The following PER3 variants were observed in gnomAD, a reference collection of about 807,000 sequenced individuals.
PER3 encodes period circadian protein homolog 3.
Under a neutral mutation model 127.2 loss-of-function variants are expected in PER3, and 107 were observed. That is an observed-to-expected ratio of 0.84 (90% CI 0.72 to 0.99). The LOEUF (loss-of-function observed/expected upper bound fraction) is 0.99. Among genes scored for constraint, PER3 ranks in the 50% least tolerant of loss-of-function variants. The probability of loss-of-function intolerance (pLI) is 0.00; values close to 1 mark genes in which losing one functional copy is unlikely to be tolerated. For synonymous variants in PER3, 618 were observed against 585.8 expected (o/e 1.05, Z -0.79); for missense variants, 1,560 against 1,525.8 (o/e 1.02, Z -0.37).
intron 21 of PER3, 85 bp downstream of exon 21, chr1:7,837,234 C>T: frequency 2.6e-6 from 3 of 1,137,374 alleles, no homozygotes; most frequent in Non-Finnish European, 3.8e-6. Flanking sequence ...TTGCATGATC[C>T]CACTAAAAAC....
intron 19 of PER3, among the ~76,000 whole-genome samples, chr1:7,833,845 GTTAA>G (rs1186217613): frequency 6.6e-6 from 1 of 151,538 alleles, no homozygotes; most frequent in East Asian, 1.9e-4. Context: ...CTCCTTTCGG[GTTAA>G]TTGTGTATTG....
intron 2 of PER3, 25 bp downstream of exon 2, chr1:7,785,030 G>A (rs773536595): frequency 5.1e-5 from 79 of 1,562,550 alleles, no homozygotes; most frequent in Non-Finnish European, 6.7e-5. Flanking sequence ...TCAGGCCGAG[G>A]GCCCCATGCG....
chr1:7,837,644 T>C (rs1420421722), intron 21 of PER3, among the ~76,000 whole-genome samples: 1 of 152,236 alleles, frequency 6.6e-6, no homozygotes. Context: ...GTGAATAGCC[T>C]GAACAGTAAA....
chr1:7,787,263 T>TTGA, intron 4 of PER3: 1 of 808,920 alleles, frequency 1.2e-6, no homozygotes, highest in East Asian at 1.1e-4. Flanking sequence ...TGAGATGCTG[T>TTGA]CATTTTTCCT....
chr1:7,837,018 A>C lies in PER3; in HGVS notation c.3418A>C (p.Lys1140Gln). 2 of 1,613,556 alleles carry C rather than the reference A, an allele frequency of 1.2e-6. No homozygotes were observed. The highest frequency in any genetic ancestry group is 1.7e-6 in the Non-Finnish European group (2 of 1,179,748). Residue 1140 changes from lysine (K) to glutamine (Q), a missense_variant, in exon 21 of 22, where the codon AAA becomes CAA. Physicochemically the swap from Lys to Gln is moderately conservative, Grantham distance 53. Transcript: ENST00000377532. Reference sequence around the variant, plus strand: ...TTTCAGGGTTAAAGAAGTTGTACTAAAAGAAGACCTGGAAAAGCTAGAAAG... The same window carrying C: ...TTTCAGGGTTAAAGAAGTTGTACTACAAGAAGACCTGGAAAAGCTAGAAAG... Reference protein sequence around the residue: ...VPERVKEVVLKEDLEKLESMR... With the variant: ...VPERVKEVVLQEDLEKLESMR...
rs151216279 is a variant in PER3 at position 7,836,012 on chromosome 1, T to C, written c.3398+67T>C. The C allele has an allele frequency of 2.8e-3, 3,259 of 1,169,842 alleles. 69 individuals are homozygous for C. In the African/African-American group the frequency reaches 0.039, roughly 14 times the overall value. 72.5% of individuals were successfully genotyped at this position (1,169,842 alleles called of 1,614,324 possible). A position where few individuals can be genotyped will look rare whatever the true frequency, so the allele number is the denominator to read the frequency against. On this transcript the variant is annotated intron_variant, in intron 20 of 21. Coordinates refer to ENST00000377532, the MANE Select transcript of PER3 (RefSeq NM_001377275.1). Reference sequence around the variant, plus strand: ...GGTTTCTTTTTTTCTTTTTTTTCTTTTTTGAGACGGAGTCTCGCCCTGTCA... The same window carrying C: ...GGTTTCTTTTTTTCTTTTTTTTCTTCTTTGAGACGGAGTCTCGCCCTGTCA...
intron 10 of PER3, among the ~76,000 whole-genome samples, chr1:7,805,168 C>T (rs1475187058): frequency 6.6e-6 from 1 of 152,186 alleles, no homozygotes; most frequent in African/African-American, 2.4e-5. Flanking sequence ...ACGCCCAACC[C>T]TGTGGTCCAT....
intron 5 of PER3, among the ~76,000 whole-genome samples, chr1:7,792,839 T>C (rs1330763202): frequency 6.6e-6 from 1 of 152,212 alleles, no homozygotes; most frequent in South Asian, 2.1e-4. Context: ...TGGAAATGCA[T>C]TGTGGGTGCA....
At chr1:7,812,533 G>A (rs1377855589) in intron 13 of PER3, among the ~76,000 whole-genome samples, 3 of 149,202 alleles carry the variant, frequency 2.0e-5, no homozygotes, top group Non-Finnish European at 3.0e-5. Context: ...GCTGAGGCAG[G>A]AGAATGGCGT....
rs779433185 is a variant in PER3, at chr1:7,788,140, G to C, written c.486G>C (p.Leu162=). 17 of 1,613,668 alleles carry C rather than the reference G, an allele frequency of 1.1e-5. No individual in the cohort carries two copies. The highest frequency in any genetic ancestry group is 1.1e-5 in the South Asian group (1 of 91,084). ...TCCTGAATCGTAAGAAAGATGTCCTGGCGTCTTCTCACTTTGTTGACCTGC... is the reference window on the plus strand; with the variant it reads ...TCCTGAATCGTAAGAAAGATGTCCTCGCGTCTTCTCACTTTGTTGACCTGC... ...ALILNRKKDV[L]ASSHFVDLLA... is the part of the protein sequence containing the mutation. The change falls in exon 5 of 22, where the codon CTG becomes CTC. Residue 162 remains leucine, a synonymous_variant. Transcript: ENST00000377532.
Position 7,827,600 on chromosome 1 carries a change from A to G in PER3, c.2671A>G (p.Met891Val), listed in dbSNP as rs1294725869. 13 of 1,613,878 alleles carry G rather than the reference A, an allele frequency of 8.1e-6. No individual in the cohort carries two copies. In the East Asian group the frequency reaches 8.9e-5, roughly 11 times the overall value. Reference sequence around the variant, plus strand: ...AGCCTCTTCTGCGATATCACCCTCAATGTCGTCAGCAATGAGTCCAACTCT... The same window carrying G: ...AGCCTCTTCTGCGATATCACCCTCAGTGTCGTCAGCAATGAGTCCAACTCT... ...ATASSAISPS[M>V]SSAMSPTLDP... is the part of the protein sequence containing the mutation. The change falls in exon 18 of 22, where the codon ATG becomes GTG. Residue 891 changes from methionine to valine, a missense_variant. Around this residue, in one of 3 missense-constraint regions of PER3, gnomAD observed 1,332 missense variants for 1,223.6 expected, o/e 1.09. Transcript: ENST00000377532.
At chr1:7,836,727 A>G (rs1354570633) in intron 20 of PER3, 3 of 282,270 alleles carry the variant, frequency 1.1e-5, no homozygotes, top group Non-Finnish European at 2.0e-5. Context: ...TTTGTTTTAG[A>G]CTCTTGATTT....
At chr1:7,812,958 G>A (rs2097227364) in intron 13 of PER3, among the ~76,000 whole-genome samples, 1 of 152,150 alleles carries the variant, frequency 6.6e-6, no homozygotes, top group Non-Finnish European at 1.5e-5. Context: ...GACTAGAGAT[G>A]TATACCAATG....
chr1:7,789,990 A>C (rs1310769767), intron 5 of PER3, among the ~76,000 whole-genome samples: 1 of 152,122 alleles, frequency 6.6e-6, no homozygotes, highest in Non-Finnish European at 1.5e-5. Context: ...GTAAACATTT[A>C]TTTAATAATC....
intron 11 of PER3, 110 bp downstream of exon 11, chr1:7,809,108 T>C (rs942075389): frequency 3.4e-6 from 2 of 593,996 alleles, no homozygotes; most frequent in African/African-American, 3.9e-5. Flanking sequence ...ATCTTTGCCC[T>C]CTACATTCCA....
chr1:7,814,435 G>A (rs1276001055), intron 13 of PER3, among the ~76,000 whole-genome samples: 1 of 152,116 alleles, frequency 6.6e-6, no homozygotes, highest in Non-Finnish European at 1.5e-5. Context: ...AGACAATAGA[G>A]TAGCATCCTC....
chr1:7,785,676 C>T, intron 3 of PER3, 90 bp downstream of exon 3: 1 of 1,098,548 alleles, frequency 9.1e-7, no homozygotes, highest in African/African-American at 1.6e-5. Context: ...CTCAGTCAGA[C>T]AAATAATTTG....
At chr1:7,792,899 C>T (rs2097128448) in intron 5 of PER3, among the ~76,000 whole-genome samples, 1 of 152,136 alleles carries the variant, frequency 6.6e-6, no homozygotes. Context: ...TCCAGGACTT[C>T]TAGTGAGTGC....
In PER3 at chr1:7,815,595, T is replaced by G. The variant is rs896145235; in HGVS notation, c.1523-3690T>G. On this transcript the variant is annotated intron_variant, in intron 13 of 21. Transcript: ENST00000377532. ...CATAATGGATTAAACTAGAAATCAG[T>G]AACAGAGGTATCCAGAAAATCCTCA... 4.6e-5 allele frequency among the ~76,000 whole-genome samples: 7 copies of G among 152,154 alleles called. No homozygotes were observed. The East Asian group carries it at 1.3e-3, about 29-fold the overall frequency.
Sources: allele counts gnomAD v4.1 joint callset (sites outside exome capture counted in the v4.1 genomes callset), GRCh38; gene constraint gnomAD v4.1.1; regional missense constraint gnomAD v4.1.1; transcripts MANE v1.5; gene names NCBI Gene and HGNC (gene_info 2026-07-23, HGNC 2026-07-21).